RARB: variants seen among roughly 807,000 people sequenced by gnomAD.
RARB encodes the protein HBV-activated protein.
Under a neutral mutation model 51.9 loss-of-function variants are expected in RARB, and 17 were observed. That is an observed-to-expected ratio of 0.33 (90% confidence interval 0.22 to 0.49). The LOEUF (loss-of-function observed/expected upper bound fraction) is 0.49, where lower values mean the gene tolerates loss of function less well. Among genes scored for constraint, RARB ranks in the 20% least tolerant of loss-of-function variants. RARB has a pLI of 0.99. For synonymous variants in RARB, 215 were observed against 195.4 expected (o/e 1.10, Z -0.84); for missense variants, 369 against 550.8 (o/e 0.67, Z 3.30).
At chr3:24,975,184 A>C (rs1696484206) in intron 2 of RARB, among the ~76,000 whole-genome samples, 1 of 152,188 alleles carries the variant, frequency 6.6e-6, no homozygotes, top group African/African-American at 2.4e-5. Flanking sequence ...ATCTATTGAA[A>C]TTAAATCCTG....
chr3:25,179,087 A>C (rs1700812514), intron 5 of RARB, among the ~76,000 whole-genome samples: 1 of 152,174 alleles, frequency 6.6e-6, no homozygotes, highest in Non-Finnish European at 1.5e-5. Context: ...AAAATCACAA[A>C]ATAGGGTATT....
At chr3:24,993,231 G>A (rs1296240114) in intron 2 of RARB, among the ~76,000 whole-genome samples, 1 of 152,052 alleles carries the variant, frequency 6.6e-6, no homozygotes, top group African/African-American at 2.4e-5. Flanking sequence ...AAATGGTGTA[G>A]AATATGTTTT....
In RARB at chr3:25,559,300, C is replaced by T. The variant is rs548251791; in HGVS notation, c.449-10458C>T. Reference sequence around the variant, plus strand: ...GGATTTCTGAGTGAATAAGACCTAGCATATTCTTATAAGGGTATTCAGCTC... The same window carrying T: ...GGATTTCTGAGTGAATAAGACCTAGTATATTCTTATAAGGGTATTCAGCTC... On this transcript the variant is annotated intron_variant, in intron 3 of 7. Transcript: ENST00000330688. 7.9e-4 allele frequency among the ~76,000 whole-genome samples: 121 copies of T among 152,300 alleles called. 1 individual carries two copies. Among genetic ancestry groups the T allele is most frequent in the African/African-American group, 2.8e-3 (115 of 41,566 alleles).
chr3:25,563,089 A>G (rs1007417790), intron 3 of RARB, among the ~76,000 whole-genome samples: 6 of 152,218 alleles, frequency 3.9e-5, no homozygotes, highest in African/African-American at 1.4e-4. Context: ...AATATTCTGT[A>G]AAAATTCTAA....
At chr3:25,373,187 G>A (rs1194625393) in intron 5 of RARB, among the ~76,000 whole-genome samples, 1 of 152,198 alleles carries the variant, frequency 6.6e-6, no homozygotes, top group Non-Finnish European at 1.5e-5. Flanking sequence ...CTCGGAGCTA[G>A]AGATAAAATT....
At chr3:25,000,950 C>G (rs986332163) in intron 2 of RARB, among the ~76,000 whole-genome samples, 1 of 152,040 alleles carries the variant, frequency 6.6e-6, no homozygotes, top group African/African-American at 2.4e-5. Flanking sequence ...GCAGTTGATA[C>G]TTGGACAAAA....
intron 5 of RARB, among the ~76,000 whole-genome samples, chr3:25,395,405 T>G (rs1707087318): frequency 6.6e-6 from 1 of 152,176 alleles, no homozygotes; most frequent in South Asian, 2.1e-4. Flanking sequence ...GCAATGAATT[T>G]CCCAGATGTT....
At chr3:25,119,670 C>T (rs73047801) in intron 3 of RARB, among the ~76,000 whole-genome samples, 1 of 142,816 alleles carries the variant, frequency 7.0e-6, no homozygotes, top group South Asian at 2.1e-4. Flanking sequence ...AAAAAAAAAA[C>T]AACAACAAAA....
chr3:25,200,268 C>T (rs1266863651), intron 5 of RARB, among the ~76,000 whole-genome samples: 6 of 150,290 alleles, frequency 4.0e-5, no homozygotes, highest in African/African-American at 9.7e-5. Flanking sequence ...CTGTTCATAT[C>T]ATTTGCCCAC....
chr3:24,959,638 C>A (rs970081981), intron 2 of RARB, among the ~76,000 whole-genome samples: 1 of 152,178 alleles, frequency 6.6e-6, no homozygotes, highest in African/African-American at 2.4e-5. Flanking sequence ...AGGGACACTG[C>A]CCTTTTCCGT....
chr3:25,489,283 C>T (rs934186517), intron 2 of RARB, among the ~76,000 whole-genome samples: 18 of 152,204 alleles, frequency 1.2e-4, no homozygotes, highest in Admixed American at 9.8e-4. Flanking sequence ...GAAAGAGGAG[C>T]CTGTGGGTGA....
In RARB at chr3:25,104,130, A is replaced by G. The variant is rs554145107; in HGVS notation, c.-327-28031A>G. ...ATATCAAAAAGTGTCACTCTGTTCA[A>G]TATCATCAGTCAGCACGGAAATGCA... On this transcript the variant is annotated intron_variant, in intron 3 of 11. Coordinates refer to the RARB transcript ENST00000383772. Among the ~76,000 whole-genome samples the G allele has an allele frequency of 4.6e-5, 7 of 152,300 alleles. No homozygotes were observed. In the East Asian group the frequency reaches 1.2e-3, roughly 25 times the overall value.
intron 2 of RARB, among the ~76,000 whole-genome samples, chr3:25,047,239 A>G (rs1408264339): frequency 6.6e-6 from 1 of 152,194 alleles, no homozygotes; most frequent in Non-Finnish European, 1.5e-5. Flanking sequence ...TGTGCCTGGG[A>G]GATTAGAATG....
chr3:25,309,861 C>A (rs1404327182), intron 5 of RARB, among the ~76,000 whole-genome samples: 5 of 152,162 alleles, frequency 3.3e-5, no homozygotes, highest in African/African-American at 1.2e-4. Flanking sequence ...ATTACCCCTA[C>A]ACATGAAGGA....
chr3:24,882,434 G>C (rs1477339281), intron 2 of RARB, among the ~76,000 whole-genome samples: 1 of 152,190 alleles, frequency 6.6e-6, no homozygotes, highest in African/African-American at 2.4e-5. Context: ...GAAGTATATG[G>C]AAGGGTAGGC....
At chr3:25,212,131 C>G (rs1427656288) in intron 5 of RARB, among the ~76,000 whole-genome samples, 1 of 152,030 alleles carries the variant, frequency 6.6e-6, no homozygotes, top group African/African-American at 2.4e-5. Context: ...GAACAACAAA[C>G]CAGCAATGGG....
intron 2 of RARB, among the ~76,000 whole-genome samples, chr3:24,911,590 C>A (rs1182238437): frequency 1.3e-5 from 2 of 152,122 alleles, no homozygotes; most frequent in Non-Finnish European, 2.9e-5. Context: ...AGTGTCTTAA[C>A]ACTGAAAAAT....
At chr3:25,421,774 C>T (rs1707872185) in intron 5 of RARB, among the ~76,000 whole-genome samples, 1 of 152,080 alleles carries the variant, frequency 6.6e-6, no homozygotes, top group South Asian at 2.1e-4. Flanking sequence ...ACGTAGGTAC[C>T]ATTAATATTT....
intron 2 of RARB, among the ~76,000 whole-genome samples, chr3:24,887,981 A>G (rs945314173): frequency 4.6e-5 from 7 of 152,272 alleles, no homozygotes; most frequent in Middle Eastern, 3.4e-3. Context: ...TAGCTGGTCT[A>G]TCAGCAACAT....
Sources: gnomAD v4.1 joint callset for allele counts (sites outside exome capture counted in the v4.1 genomes callset) on GRCh38, gnomAD v4.1.1 for gene constraint, MANE v1.5 for transcripts, NCBI Gene and HGNC (gene_info 2026-07-23, HGNC 2026-07-21) for gene names.